LRGUK: variants seen among roughly 807,000 people sequenced by gnomAD.
The protein encoded by LRGUK is leucine-rich repeat and guanylate kinase domain-containing protein.
In LRGUK, 65 loss-of-function variants were observed where a neutral mutation model predicts 76.0. That is an observed-to-expected ratio of 0.85 (90% CI 0.70 to 1.05). The LOEUF (loss-of-function observed/expected upper bound fraction) is 1.05. Ranked by LOEUF, LRGUK falls within the 50% of genes least tolerant of loss-of-function variation. The pLI, the probability that LRGUK is intolerant of heterozygous loss-of-function variation, is 0.00. For synonymous variants in LRGUK, 268 were observed against 265.6 expected (o/e 1.01, Z -0.09); for missense variants, 758 against 732.8 (o/e 1.03, Z -0.40).
chr7:134,182,830 C>T (rs1256683076), intron 10 of LRGUK, among the ~76,000 whole-genome samples: 1 of 152,110 alleles, frequency 6.6e-6, no homozygotes, highest in Non-Finnish European at 1.5e-5. Context: ...GGCGCCATCT[C>T]GGCTCACTGT....
chr7:134,237,330 G>A lies in LRGUK; in HGVS notation c.1984-10226G>A, dbSNP rs189189138. ...GGCCTCCCAAAGTGCTGGGATTACA[G>A]GGGTGAGCCACCACACCCAGCTAAT... On this transcript the variant is annotated intron_variant, in intron 16 of 19. Coordinates refer to the LRGUK transcript ENST00000285928. 3.9e-4 allele frequency among the ~76,000 whole-genome samples: 60 copies of A among 152,214 alleles called. 1 individual carries two copies. In the East Asian group the frequency reaches 9.1e-3, roughly 23 times the overall value.
intron 1 of LRGUK, among the ~76,000 whole-genome samples, chr7:134,136,126 CT>C (rs79194696): frequency 0.16 from 25,093 of 152,088 alleles, 2,252 homozygotes; most frequent in East Asian, 0.33. Flanking sequence ...GATGTGATCA[CT>C]TATGTTTTGT....
Position 134,186,918 on chromosome 7 carries a change from C to G in LRGUK, c.1334+3065C>G, listed in dbSNP as rs150995703. On this transcript the variant is annotated intron_variant, in intron 11 of 15. Transcript: ENST00000645682. ...GGAATTAGTGGTGAGTAGAAAGACA[C>G]TCCTAACTGCCCCCCTCCCAACTAC... Among the ~76,000 whole-genome samples the G allele has an allele frequency of 6.6e-5, 10 of 152,276 alleles. No individual in the cohort carries two copies. In the East Asian group the frequency reaches 1.9e-3, roughly 29 times the overall value.
chr7:134,212,913 A>G (rs1448510970), downstream of LRGUK, among the ~76,000 whole-genome samples: 1 of 152,168 alleles, frequency 6.6e-6, no homozygotes, highest in African/African-American at 2.4e-5. Flanking sequence ...CCATTTGTTA[A>G]CTTTTCCAGA....
chr7:134,170,508 A>C (rs910873514), intron 7 of LRGUK, among the ~76,000 whole-genome samples: 1 of 152,134 alleles, frequency 6.6e-6, no homozygotes, highest in Non-Finnish European at 1.5e-5. Flanking sequence ...ATTTTACTGT[A>C]TATTTCAGAA....
At chr7:134,179,334 A>T (rs1475586465) in intron 10 of LRGUK, among the ~76,000 whole-genome samples, 1 of 152,236 alleles carries the variant, frequency 6.6e-6, no homozygotes, top group African/African-American at 2.4e-5. Flanking sequence ...AATTCTATCA[A>T]TACCCAAAGG....
At chr7:134,176,664 G>A (rs1472808218) in intron 8 of LRGUK, among the ~76,000 whole-genome samples, 1 of 152,108 alleles carries the variant, frequency 6.6e-6, no homozygotes, top group East Asian at 1.9e-4. Flanking sequence ...ACAGGTGTGA[G>A]CCACTTTGCC....
chr7:134,199,577 T>C (rs1800663518), intron 14 of LRGUK, among the ~76,000 whole-genome samples, 156 bp downstream of exon 14: 1 of 152,152 alleles, frequency 6.6e-6, no homozygotes, highest in Admixed American at 6.5e-5. Context: ...AGAGGTCTAA[T>C]CTTCCACTGT....
At chr7:134,196,856 A>AT (rs1241425360) in intron 12 of LRGUK, 136 bp from the exon 13 acceptor site, 14 of 504,986 alleles carry the variant, frequency 2.8e-5, no homozygotes, top group African/African-American at 3.9e-5. Flanking sequence ...CATTTACCCC[A>AT]TTGTCATCCT....
intron 8 of LRGUK, among the ~76,000 whole-genome samples, chr7:134,175,970 AT>A (rs1799461796): frequency 6.6e-6 from 1 of 152,188 alleles, no homozygotes; most frequent in African/African-American, 2.4e-5. Flanking sequence ...TTAAAGTTTC[AT>A]TATTTGCAGA....
chr7:134,162,277 G>A (rs1219950708), intron 6 of LRGUK, among the ~76,000 whole-genome samples: 3 of 152,142 alleles, frequency 2.0e-5, no homozygotes, highest in Non-Finnish European at 4.4e-5. Flanking sequence ...GCTTGGCTCA[G>A]TTGAGAGGCT....
Position 134,147,434 on chromosome 7 carries a change from C to CAA in LRGUK, c.589-788_589-787dup, listed in dbSNP as rs11431531. 1.4e-3 allele frequency among the ~76,000 whole-genome samples: 140 copies of CAA among 101,870 alleles called. 1 individual carries two copies. The highest frequency in any genetic ancestry group is 4.3e-3 in the South Asian group (15 of 3,460). The allele number at this position is 101,870 out of a possible 152,430, so 66.8% of individuals were successfully genotyped here. A position where few individuals can be genotyped will look rare whatever the true frequency, so the allele number is the denominator to read the frequency against. ...TGAGCGACAGAGCGAGACTCCACCT[C>CAA]AAAAAAAAAAAAAAAAATTCTGGCA... On this transcript the variant is annotated intron_variant, in intron 4 of 15. Coordinates refer to ENST00000645682, the Ensembl canonical transcript of LRGUK.
intron 7 of LRGUK, among the ~76,000 whole-genome samples, chr7:134,172,473 C>G (rs543611253): frequency 2.0e-5 from 3 of 152,190 alleles, no homozygotes; most frequent in Non-Finnish European, 2.9e-5. Context: ...AAATTAGATA[C>G]AAGACGATCT....
intron 9 of LRGUK, among the ~76,000 whole-genome samples, chr7:134,177,963 A>G (rs548353664): frequency 6.6e-6 from 1 of 152,330 alleles, no homozygotes; most frequent in South Asian, 2.1e-4. Flanking sequence ...AGAACTGTAC[A>G]TTATGAAGAA....
At chr7:134,240,775 C>T (rs777870981) in intron 16 of LRGUK, among the ~76,000 whole-genome samples, 47 of 152,036 alleles carry the variant, frequency 3.1e-4, no homozygotes, top group African/African-American at 4.6e-4. Flanking sequence ...TTTGAAATGA[C>T]GGAAAAAATG....
intron 18 of LRGUK, among the ~76,000 whole-genome samples, chr7:134,257,758 C>A (rs532667074): frequency 1.1e-4 from 16 of 151,948 alleles, no homozygotes; most frequent in South Asian, 1.0e-3. Context: ...GAGCCCAGAT[C>A]GTGTCACTGC....
downstream of LRGUK, among the ~76,000 whole-genome samples, chr7:134,265,987 C>T (rs1802847506): frequency 6.6e-6 from 1 of 152,112 alleles, no homozygotes; most frequent in Admixed American, 6.5e-5. Flanking sequence ...CAGTTGAGGC[C>T]TAGTGGGGAC....
At chr7:134,263,419 C>CTGTGTGTGTGTGTGTGTGTG (rs60637538) in intron 19 of LRGUK, among the ~76,000 whole-genome samples, 1,771 of 149,586 alleles carry the variant, frequency 0.012, 36 homozygotes, top group African/African-American at 0.035. Flanking sequence ...GTGTGTGTGT[C>CTGTGTGTGTGTGTGTGTGTG]TGTGTGCATG....
At chr7:134,233,832 G>A (rs766474125) in intron 16 of LRGUK, among the ~76,000 whole-genome samples, 21 of 152,216 alleles carry the variant, frequency 1.4e-4, no homozygotes, top group Admixed American at 3.9e-4. Context: ...TCTGCTCTTC[G>A]TGTCTAATTT....
Sources: allele counts gnomAD v4.1 joint callset (sites outside exome capture counted in the v4.1 genomes callset), GRCh38; gene constraint gnomAD v4.1.1; transcripts MANE v1.5; gene names NCBI Gene and HGNC (gene_info 2026-07-23, HGNC 2026-07-21).